The following SAMD12 variants were observed in gnomAD, a reference collection of about 807,000 sequenced individuals.
SAMD12 encodes the protein sterile alpha motif domain containing 12, also known as sterile alpha motif domain-containing protein 12.
Under a neutral mutation model 15.0 loss-of-function variants are expected in SAMD12, and 9 were observed. The ratio of observed to expected loss-of-function variants is 0.60; its 90% CI spans 0.36 to 1.05. The LOEUF (loss-of-function observed/expected upper bound fraction) is 1.05. SAMD12 is among the 50% of genes least tolerant of loss of function. The probability of loss-of-function intolerance (pLI) is 0.01; values close to 1 mark genes in which losing one functional copy is unlikely to be tolerated. For synonymous variants in SAMD12, 86 were observed against 90.1 expected (o/e 0.96, Z 0.25); for missense variants, 230 against 234.2 (o/e 0.98, Z 0.12).
Position 118,579,063 on chromosome 8 carries a change from A to G in SAMD12, c.192+1652T>C, listed in dbSNP as rs189768152. Among the ~76,000 whole-genome samples, 852 of 152,308 alleles carry G rather than the reference A, an allele frequency of 5.6e-3. 5 individuals carry two copies. The highest frequency in any genetic ancestry group is 6.7e-3 in the Non-Finnish European group (454 of 68,022). ...AAATTTCAGGATTCACAATTCACATATTCAAGATAATCAGAAATAAAATCA... is the reference window on the plus strand; with the variant it reads ...AAATTTCAGGATTCACAATTCACATGTTCAAGATAATCAGAAATAAAATCA... On this transcript the variant is annotated intron_variant, in intron 2 of 3. Transcript: ENST00000314727.
At chr8:118,178,086 A>G in the SAMD12 span, among the ~76,000 whole-genome samples, 3 of 152,254 alleles carry the variant, frequency 2.0e-5, no homozygotes, top group Non-Finnish European at 4.4e-5. Context: ...TATTTGGGTA[A>G]TTCCATGAGT....
In SAMD12 at chr8:118,207,542, C is replaced by T. The variant is rs577089292; in HGVS notation, c.434-9810G>A. On this transcript the variant is annotated intron_variant, in intron 4 of 4. Coordinates refer to the SAMD12 transcript ENST00000409003. ...CTAAGATACCATTGAAATTTCCCTC[C>T]GTCTCCACAATGTTAGACTGGGTGG... 7.0e-4 allele frequency among the ~76,000 whole-genome samples: 106 copies of T among 152,148 alleles called. 1 individual carries two copies. The highest frequency in any genetic ancestry group is 1.7e-3 in the South Asian group (8 of 4,822).
chr8:118,298,552 A>G (rs1814848637), intron 4 of SAMD12, among the ~76,000 whole-genome samples: 1 of 152,206 alleles, frequency 6.6e-6, no homozygotes. Flanking sequence ...TACTTCTTGC[A>G]GCATTTACAC....
chr8:118,238,827 A>G (rs921843575), intron 4 of SAMD12, among the ~76,000 whole-genome samples: 3 of 152,162 alleles, frequency 2.0e-5, no homozygotes, highest in Non-Finnish European at 4.4e-5. Flanking sequence ...AATAGTGAAG[A>G]TGGGATTCAA....
At chr8:118,318,367 A>T (rs1451479779) in intron 4 of SAMD12, among the ~76,000 whole-genome samples, 1 of 129,514 alleles carries the variant, frequency 7.7e-6, no homozygotes, top group East Asian at 2.2e-4. Flanking sequence ...CATATATACC[A>T]TGGAACACTA....
At chr8:118,289,605 A>G (rs1814250625) in intron 4 of SAMD12, among the ~76,000 whole-genome samples, 1 of 152,206 alleles carries the variant, frequency 6.6e-6, no homozygotes, top group Non-Finnish European at 1.5e-5. Flanking sequence ...TGATGGACCA[A>G]TCATTTGTGC....
chr8:118,539,344 A>T (rs937572782), intron 2 of SAMD12, among the ~76,000 whole-genome samples: 1 of 152,216 alleles, frequency 6.6e-6, no homozygotes, highest in Non-Finnish European at 1.5e-5. Flanking sequence ...CTTGGCTGGC[A>T]TAGAACATGA....
chr8:118,227,042 T>C (rs894396959), intron 4 of SAMD12, among the ~76,000 whole-genome samples: 1 of 152,150 alleles, frequency 6.6e-6, no homozygotes, highest in South Asian at 2.1e-4. Flanking sequence ...GTATAAATAA[T>C]TCTGCCATAA....
intron 4 of SAMD12, among the ~76,000 whole-genome samples, chr8:118,298,291 T>C (rs965327642): frequency 7.9e-5 from 12 of 152,234 alleles, no homozygotes; most frequent in African/African-American, 2.9e-4. Flanking sequence ...TCAAAATGGG[T>C]AAGATGTGTT....
At chr8:118,563,936 C>A (rs1826777914) in intron 2 of SAMD12, among the ~76,000 whole-genome samples, 2 of 152,170 alleles carry the variant, frequency 1.3e-5, no homozygotes, top group Admixed American at 6.5e-5. Flanking sequence ...TGGCTAGAAA[C>A]ACCTGTGACT....
chr8:118,439,476 T>C (rs554549176), intron 3 of SAMD12, among the ~76,000 whole-genome samples: 1 of 152,152 alleles, frequency 6.6e-6, no homozygotes, highest in African/African-American at 2.4e-5. Context: ...TTAGAAACCT[T>C]TTCTACTTGG....
intron 4 of SAMD12, among the ~76,000 whole-genome samples, chr8:118,290,053 A>C (rs1814279416): frequency 6.6e-6 from 1 of 152,228 alleles, no homozygotes; most frequent in Non-Finnish European, 1.5e-5. Context: ...AAAAGACTCA[A>C]ATAAGGAAGA....
At chr8:118,412,201 C>A (rs1821445047) in intron 3 of SAMD12, among the ~76,000 whole-genome samples, 1 of 152,120 alleles carries the variant, frequency 6.6e-6, no homozygotes, top group Non-Finnish European at 1.5e-5. Context: ...AGACCTGTGT[C>A]TTTTGTGGTT....
chr8:118,434,566 A>C (rs1686753431), intron 3 of SAMD12, among the ~76,000 whole-genome samples: 1 of 152,204 alleles, frequency 6.6e-6, no homozygotes, highest in African/African-American at 2.4e-5. Context: ...CACAGGAAGA[A>C]ACTTCAAACC....
At chr8:118,160,824 G>A in the SAMD12 span, among the ~76,000 whole-genome samples, 3 of 151,980 alleles carry the variant, frequency 2.0e-5, no homozygotes, top group Admixed American at 1.3e-4. Flanking sequence ...TAAGTTTTAG[G>A]GTACATGTGC....
intron 3 of SAMD12, among the ~76,000 whole-genome samples, chr8:118,439,282 G>C (rs1046286520): frequency 1.3e-5 from 2 of 152,094 alleles, no homozygotes; most frequent in Non-Finnish European, 2.9e-5. Context: ...CAGAAACTTG[G>C]AACATTGCTA....
At chr8:118,215,465 CTTTT>C (rs900815536) in intron 4 of SAMD12, among the ~76,000 whole-genome samples, 2 of 95,784 alleles carry the variant, frequency 2.1e-5, no homozygotes, top group Non-Finnish European at 5.3e-5. Context: ...TCATTGAGTG[CTTTT>C]TTTTTTTATT....
Position 118,233,891 on chromosome 8 carries a change from T to G in SAMD12, c.434-36159A>C, listed in dbSNP as rs186829511. Among the ~76,000 whole-genome samples, 466 of 152,186 alleles carry G rather than the reference T, an allele frequency of 3.1e-3. 2 individuals carry two copies. The highest frequency in any genetic ancestry group is 5.0e-3 in the Non-Finnish European group (342 of 68,006). Reference sequence around the variant, plus strand: ...AGGGGTCTCTGACGAGTCCAAAGGATGGGGTAGCTCCACTCAAATGGCAGC... The same window carrying G: ...AGGGGTCTCTGACGAGTCCAAAGGAGGGGGTAGCTCCACTCAAATGGCAGC... On this transcript the variant is annotated intron_variant, in intron 4 of 4. Transcript: ENST00000409003.
chr8:118,322,047 C>T (rs571670256), intron 4 of SAMD12, among the ~76,000 whole-genome samples: 1 of 152,244 alleles, frequency 6.6e-6, no homozygotes, highest in South Asian at 2.1e-4. Context: ...CTTACTGACT[C>T]CTCCACCCTT....
Sources: allele counts gnomAD v4.1 joint callset (sites outside exome capture counted in the v4.1 genomes callset), GRCh38; gene constraint gnomAD v4.1.1; transcripts MANE v1.5; gene names NCBI Gene and HGNC (gene_info 2026-07-23, HGNC 2026-07-21).